The following CACNA1C variants were observed in gnomAD, a reference collection of about 807,000 sequenced individuals.
CACNA1C encodes the protein voltage-dependent L-type calcium channel subunit alpha-1C.
CACNA1C carries 30 observed loss-of-function variants against 229.0 expected under a neutral mutation model. The ratio of observed to expected loss-of-function variants is 0.13; its 90% CI spans 0.10 to 0.18. The LOEUF is 0.18. Ranked by LOEUF, CACNA1C falls within the 10% of genes least tolerant of loss-of-function variation. CACNA1C has a pLI of 1.00. For synonymous variants in CACNA1C, 1,114 were observed against 1,132.5 expected (o/e 0.98, Z 0.33); for missense variants, 1,658 against 2,845.0 (o/e 0.58, Z 9.49).
At chr12:2,478,709 AC>A (rs550038518) in intron 5 of CACNA1C, among the ~76,000 whole-genome samples, 190 of 152,334 alleles carry the variant, frequency 1.2e-3, no homozygotes, top group African/African-American at 4.3e-3. Context: ...AATAGTTGGT[AC>A]AAGGACACAT....
chr12:2,648,591 C>A, intron 31 of CACNA1C, 84 bp downstream of exon 31: 2 of 1,193,022 alleles, frequency 1.7e-6, no homozygotes, highest in Non-Finnish European at 2.5e-6. Flanking sequence ...ACTCCAGAGT[C>A]CCTGGGAGCC....
At chr12:2,456,559 G>T (rs886223799) in intron 4 of CACNA1C, among the ~76,000 whole-genome samples, 2 of 152,040 alleles carry the variant, frequency 1.3e-5, no homozygotes, top group East Asian at 3.9e-4. Context: ...TTCCTCTAAC[G>T]CACACCCTGC....
rs538874595 is a variant in CACNA1C at position 2,081,415 on chromosome 12, C to T, written c.49+27804C>T. ...GAAACCCCGTCTCTACTAAAAAATA[C>T]AAAAAATTAGCCGAGCATATTGGCG... On this transcript the variant is annotated intron_variant, in intron 1 of 46. Transcript: ENST00000399655. 1.0e-3 allele frequency among the ~76,000 whole-genome samples: 152 copies of T among 152,148 alleles called. 2 individuals are homozygous for T. The highest frequency in any genetic ancestry group is 3.3e-3 in the African/African-American group (138 of 41,520).
rs1010623442 is a variant in CACNA1C, at chr12:2,608,253, A to G, written c.3357-258A>G. ...CTTCACAGTTTCAAAACACCTTCCTATACATTATTCTAACTACCCTGCAAG... is the reference window on the plus strand; with the variant it reads ...CTTCACAGTTTCAAAACACCTTCCTGTACATTATTCTAACTACCCTGCAAG... On this transcript the variant is annotated intron_variant, in intron 26 of 46. Coordinates refer to ENST00000399655, the MANE Select transcript of CACNA1C (RefSeq NM_000719.7). This position sits in a 1 kb window ranked among gnomAD's most constrained non-coding sequence, Gnocchi z 4.2. Among the ~76,000 whole-genome samples, 1 of 152,218 alleles carries G rather than the reference A, an allele frequency of 6.6e-6. No homozygotes were observed. The highest frequency in any genetic ancestry group is 1.5e-5 in the Non-Finnish European group (1 of 68,044).
At chr12:2,052,419 A>T (rs2154500908), upstream of CACNA1C, among the ~76,000 whole-genome samples, 1 of 152,028 alleles carries the variant, frequency 6.6e-6, no homozygotes, top group South Asian at 2.1e-4. Flanking sequence ...CAGTGGCCCG[A>T]TCCGAAACGA....
At chr12:2,599,935 C>T (rs2071052867) in intron 21 of CACNA1C, among the ~76,000 whole-genome samples, 1 of 152,192 alleles carries the variant, frequency 6.6e-6, no homozygotes, top group Non-Finnish European at 1.5e-5. Flanking sequence ...GTGTTGGTCT[C>T]ATTTGAGGGT....
rs185800110 is a variant in CACNA1C, at chr12:2,202,093, G to A, written c.477+81663G>A. 9.8e-5 allele frequency among the ~76,000 whole-genome samples: 15 copies of A among 152,314 alleles called. 1 individual carries two copies. The highest frequency in any genetic ancestry group is 8.5e-4 in the Admixed American group (13 of 15,300). Reference sequence around the variant, plus strand: ...AATGATTAGAGAAATGATAATGATCGTGGGCCTTTGTTTCCCCTTGCCTGA... The same window carrying A: ...AATGATTAGAGAAATGATAATGATCATGGGCCTTTGTTTCCCCTTGCCTGA... On this transcript the variant is annotated intron_variant, in intron 3 of 46. Transcript: ENST00000399655.
intron 38 of CACNA1C, among the ~76,000 whole-genome samples, chr12:2,671,717 T>G (rs569959917): frequency 1.3e-5 from 2 of 152,218 alleles, no homozygotes; most frequent in Admixed American, 6.5e-5. Context: ...ACCAGTCAAA[T>G]GCAGGGACCC....
chr12:2,299,365 G>T (rs1270969406), intron 3 of CACNA1C, among the ~76,000 whole-genome samples: 1 of 152,144 alleles, frequency 6.6e-6, no homozygotes, highest in African/African-American at 2.4e-5. Context: ...ACGTTTTCCG[G>T]TGTATGTGGG....
chr12:2,040,073 T>C (rs2049818189), intron 1 of CACNA1C, among the ~76,000 whole-genome samples: 2 of 152,124 alleles, frequency 1.3e-5, no homozygotes, highest in African/African-American at 4.8e-5. Flanking sequence ...ATCCAGGTAC[T>C]TTTCTACCCA....
Position 2,344,391 on chromosome 12 carries a change from G to C in CACNA1C, c.478-104585G>C, listed in dbSNP as rs150887274. Among the ~76,000 whole-genome samples, 187 of 152,202 alleles carry C rather than the reference G, an allele frequency of 1.2e-3. 1 individual carries two copies. The highest frequency in any genetic ancestry group is 1.5e-3 in the Non-Finnish European group (103 of 67,996). On this transcript the variant is annotated intron_variant, in intron 3 of 46. Transcript: ENST00000399655. ...AGTATCTTTGTGAAGGTAGCTCTGG[G>C]TTCTCTTGCACCCTGGAGAGGTAGG...
At chr12:2,082,246 G>A (rs2065915232) in intron 1 of CACNA1C, among the ~76,000 whole-genome samples, 1 of 152,172 alleles carries the variant, frequency 6.6e-6, no homozygotes, top group Non-Finnish European at 1.5e-5. Flanking sequence ...CACAGTGTCT[G>A]CCCCTCACTG....
Position 2,535,704 on chromosome 12 carries a change from T to TAAAAAAAAAAAA in CACNA1C, c.1391-14221_1391-14210dup, listed in dbSNP as rs758857733. 1.6e-3 allele frequency among the ~76,000 whole-genome samples: 57 copies of TAAAAAAAAAAAA among 36,558 alleles called. 1 individual carries two copies. Among genetic ancestry groups the TAAAAAAAAAAAA allele is most frequent in the East Asian group, 2.7e-3 (2 of 738 alleles). The allele number at this position is 36,558 out of a possible 152,430, so 24.0% of individuals were successfully genotyped here. A position where few individuals can be genotyped will look rare whatever the true frequency, so the allele number is the denominator to read the frequency against. ...CTGGGTGACAGAGCAAGACCCTGTC[T>TAAAAAAAAAAAA]AAAAAAAAAAAAAAAAAAAAAAAAA... is the stretch of plus-strand genomic sequence containing the variant. On this transcript the variant is annotated intron_variant, in intron 9 of 46. Coordinates refer to ENST00000399655, the MANE Select transcript of CACNA1C (RefSeq NM_000719.7).
At chr12:2,363,354 A>G (rs116365699) in intron 3 of CACNA1C, among the ~76,000 whole-genome samples, 234 of 152,124 alleles carry the variant, frequency 1.5e-3, no homozygotes, top group African/African-American at 5.4e-3. Flanking sequence ...TCTCCATATC[A>G]TTTCTATATT....
chr12:2,051,567 G>A (rs2052233065), upstream of CACNA1C, among the ~76,000 whole-genome samples: 1 of 152,198 alleles, frequency 6.6e-6, no homozygotes, highest in Admixed American at 6.5e-5. Context: ...TGCTGGTTCA[G>A]CCCCAGGTGG....
intron 1 of CACNA1C, among the ~76,000 whole-genome samples, chr12:2,010,228 T>C (rs2044169360): frequency 6.6e-6 from 1 of 152,230 alleles, no homozygotes. Flanking sequence ...TTAAAACATA[T>C]TTATCAGAAA....
chr12:2,185,078 CA>C (rs1704559793), intron 3 of CACNA1C, among the ~76,000 whole-genome samples: 1 of 152,168 alleles, frequency 6.6e-6, no homozygotes, highest in African/African-American at 2.4e-5. Context: ...GTTCATTCAC[CA>C]TGCTGTGGCC....
chr12:2,550,096 A>G, intron 10 of CACNA1C, 63 bp downstream of exon 10: 1 of 1,134,848 alleles, frequency 8.8e-7, no homozygotes, highest in African/African-American at 1.5e-5. Context: ...GAAAAGCTGC[A>G]TCTGGAAATC....
intron 3 of CACNA1C, among the ~76,000 whole-genome samples, chr12:2,328,593 A>G (rs1366862237): frequency 6.6e-6 from 1 of 152,204 alleles, no homozygotes; most frequent in Admixed American, 6.5e-5. Context: ...CTTCAGACCA[A>G]CTGGAGCAGC....
Sources: gnomAD v4.1 joint callset for allele counts (sites outside exome capture counted in the v4.1 genomes callset) on GRCh38, gnomAD v4.1.1 for gene constraint, Gnocchi (gnomAD v3.1) non-coding constraint, MANE v1.5 for transcripts, NCBI Gene and HGNC (gene_info 2026-07-23, HGNC 2026-07-21) for gene names.